Variants in CCDC60 observed in about 807,000 individuals in gnomAD.
The protein encoded by CCDC60 is coiled-coil domain-containing protein 60.
In CCDC60, 54 loss-of-function variants were observed where a neutral mutation model predicts 63.5. The ratio of observed to expected loss-of-function variants is 0.85; its 90% CI spans 0.68 to 1.07. The LOEUF (loss-of-function observed/expected upper bound fraction) is 1.07, where lower values mean the gene tolerates loss of function less well. CCDC60 is among the 50% of genes least tolerant of loss of function. The pLI, the probability that CCDC60 is intolerant of heterozygous loss-of-function variation, is 0.00. For synonymous variants in CCDC60, 206 were observed against 238.8 expected, an observed-to-expected ratio of 0.86 and a Z score of 1.27; for missense variants, 651 against 684.3, an observed-to-expected ratio of 0.95 and a Z score of 0.54.
rs1159348166 is a variant in CCDC60, at chr12:119,479,040, G to GA, written c.342-54_342-53insA. ...ATAGACCGTGGCAAGAGAAGAAGGT[G>GA]TTCAAAGCTACTGCTCATTGTTCAC... On this transcript the variant is annotated intron_variant, in intron 3 of 13. Transcript: ENST00000327554. The GA allele has an allele frequency of 3.9e-6, 5 of 1,270,352 alleles. No individual in the cohort carries two copies. The East Asian group carries it at 1.2e-4, about 29-fold the overall frequency. 78.7% of individuals were successfully genotyped at this position (1,270,352 alleles called of 1,614,324 possible).
intron 2 of CCDC60, chr12:119,433,441 A>G (rs572069567): frequency 2.8e-6 from 2 of 702,268 alleles, no homozygotes; most frequent in African/African-American, 3.5e-5. Flanking sequence ...CAGAGAAGCC[A>G]CAAGCAAGCA....
Position 119,527,666 on chromosome 12 carries a change from C to CTTTTTTTTTTT in CCDC60, c.1230-934_1230-924dup, listed in dbSNP as rs869099213. Among the ~76,000 whole-genome samples, 193 of 84,978 alleles carry CTTTTTTTTTTT rather than the reference C, an allele frequency of 2.3e-3. 2 individuals are homozygous for CTTTTTTTTTTT. Among genetic ancestry groups the CTTTTTTTTTTT allele is most frequent in the African/African-American group, 3.4e-3 (68 of 20,236 alleles). 55.7% of individuals were successfully genotyped at this position (84,978 alleles called of 152,430 possible). A position where few individuals can be genotyped will look rare whatever the true frequency, so the allele number is the denominator to read the frequency against. ...TTGTTTTTTCTTTCTTTCTTTCTTT[C>CTTTTTTTTTTT]TTTTTTTTTTTTTTTTTTTTTTTTT... is the stretch of plus-strand genomic sequence containing the variant. On this transcript the variant is annotated intron_variant, in intron 11 of 13. Coordinates refer to ENST00000327554, the MANE Select transcript of CCDC60 (RefSeq NM_178499.5).
intron 1 of CCDC60, among the ~76,000 whole-genome samples, chr12:119,377,739 C>G (rs1185063560): frequency 6.6e-6 from 1 of 152,124 alleles, no homozygotes; most frequent in African/African-American, 2.4e-5. Flanking sequence ...CATTTTACCT[C>G]TACACATTTT....
chr12:119,502,825 C>T (rs1189086500), intron 6 of CCDC60, among the ~76,000 whole-genome samples: 1 of 152,190 alleles, frequency 6.6e-6, no homozygotes, highest in Non-Finnish European at 1.5e-5. Context: ...CCAGTGCTCA[C>T]TGCAAGATTC....
chr12:119,463,064 T>C (rs988487892), intron 2 of CCDC60, among the ~76,000 whole-genome samples: 2 of 152,154 alleles, frequency 1.3e-5, no homozygotes, highest in Non-Finnish European at 2.9e-5. Context: ...CCTCAAGTGA[T>C]CCACCCGCCT....
At chr12:119,335,312 T>A in intron 1 of CCDC60, 46 bp downstream of exon 1, 1 of 1,420,602 alleles carries the variant, frequency 7.0e-7, no homozygotes, top group Non-Finnish European at 9.7e-7. Flanking sequence ...CGAGAACAAG[T>A]GAAATAGGAA....
At chr12:119,489,552 C>G (rs1048466931) in intron 5 of CCDC60, among the ~76,000 whole-genome samples, 2 of 152,268 alleles carry the variant, frequency 1.3e-5, no homozygotes, top group South Asian at 4.1e-4. Flanking sequence ...GTTGCAGGAA[C>G]AGCATTGTAC....
At chr12:119,433,374 G>A (rs918021623) in intron 2 of CCDC60, 87 of 701,394 alleles carry the variant, frequency 1.2e-4, no homozygotes, top group Non-Finnish European at 2.0e-4. Context: ...CGTTCTGCTC[G>A]GACACCCTTA....
intron 4 of CCDC60, among the ~76,000 whole-genome samples, chr12:119,481,758 AC>A (rs1273531284): frequency 6.6e-6 from 1 of 151,290 alleles, no homozygotes; most frequent in Non-Finnish European, 1.5e-5. Context: ...CCTCCTTCCC[AC>A]CCCTTTCCCT....
chr12:119,540,766 C>A lies in CCDC60; in HGVS notation c.*51C>A. On this transcript the variant is annotated 3_prime_UTR_variant, in exon 14 of 14. Transcript: ENST00000327554. ...TCAGTGGAGGAGTGTTTGCCTATAT[C>A]ATGTTCCTGTATCCTGCCTGTGTTC... The A allele has an allele frequency of 7.8e-7, 1 of 1,290,190 alleles. No homozygotes were observed. The highest frequency in any genetic ancestry group is 1.1e-6 in the Non-Finnish European group (1 of 892,666). The allele number at this position is 1,290,190 out of a possible 1,614,324, so 79.9% of individuals were successfully genotyped here. A position where few individuals can be genotyped will look rare whatever the true frequency, so the allele number is the denominator to read the frequency against.
chr12:119,505,230 G>C lies in CCDC60; in HGVS notation c.810G>C (p.Gln270His). The stretch of plus-strand genomic sequence containing the variant: ...ATGAGCCCCCAAGTGTGAACACCCA[G>C]GTGACCAGCAGCAAGGACATTGAGG... The part of the protein sequence containing the change: ...GSDEPPSVNT[Q>H]VTSSKDIEDN... Residue 270 changes from glutamine to histidine, a missense_variant, in exon 7 of 14, where the codon CAG (glutamine) becomes CAC (histidine). Coordinates refer to ENST00000327554, the MANE Select transcript of CCDC60 (RefSeq NM_178499.5). 3 of 1,613,886 alleles carry C rather than the reference G, an allele frequency of 1.9e-6. No homozygotes were observed. Among genetic ancestry groups the C allele is most frequent in the Non-Finnish European group, 2.5e-6 (3 of 1,180,034 alleles).
intron 1 of CCDC60, among the ~76,000 whole-genome samples, chr12:119,396,218 G>A (rs966486094): frequency 3.3e-5 from 5 of 152,128 alleles, no homozygotes; most frequent in East Asian, 1.9e-4. Flanking sequence ...GACTACAAGC[G>A]TGAGCCACCA....
At chr12:119,437,384 G>C (rs1029527377) in intron 2 of CCDC60, among the ~76,000 whole-genome samples, 3 of 152,152 alleles carry the variant, frequency 2.0e-5, no homozygotes, top group African/African-American at 7.2e-5. Flanking sequence ...AACCTTCTCA[G>C]CCTAGCATTC....
At chr12:119,441,849 A>G (rs1448319847) in intron 2 of CCDC60, among the ~76,000 whole-genome samples, 8 of 152,144 alleles carry the variant, frequency 5.3e-5, no homozygotes, top group Non-Finnish European at 4.4e-5. Context: ...GCTGCTATGA[A>G]CACTCTTATA....
intron 2 of CCDC60, among the ~76,000 whole-genome samples, chr12:119,450,867 AAAGAG>A (rs1162381522): frequency 3.4e-5 from 3 of 88,796 alleles, no homozygotes; most frequent in African/African-American, 1.6e-4. Context: ...AAAAAAAAAA[AAAGAG>A]AGAGAGAGAG....
chr12:119,461,524 A>C (rs1294124980), intron 2 of CCDC60, among the ~76,000 whole-genome samples: 1 of 152,260 alleles, frequency 6.6e-6, no homozygotes, highest in East Asian at 1.9e-4. Flanking sequence ...GCATCCTCTC[A>C]TCAGCTCACA....
chr12:119,468,882 T>C (rs540254405), intron 2 of CCDC60, among the ~76,000 whole-genome samples: 8 of 152,020 alleles, frequency 5.3e-5, no homozygotes, highest in African/African-American at 1.9e-4. Flanking sequence ...GAGACCAGCT[T>C]GGGCAACACA....
chr12:119,501,430 C>T (rs935049796), intron 6 of CCDC60, among the ~76,000 whole-genome samples: 2 of 152,196 alleles, frequency 1.3e-5, no homozygotes, highest in African/African-American at 2.4e-5. Context: ...CAGCTGGGTA[C>T]TGGCAGAGCC....
At chr12:119,521,582 G>A (rs1429704055) in intron 9 of CCDC60, among the ~76,000 whole-genome samples, 1 of 152,166 alleles carries the variant, frequency 6.6e-6, no homozygotes, top group Non-Finnish European at 1.5e-5. Context: ...CCTGCGGCAG[G>A]AGGAAGCTTA....
Sources: allele counts gnomAD v4.1 joint callset (sites outside exome capture counted in the v4.1 genomes callset), GRCh38; gene constraint gnomAD v4.1.1; transcripts MANE v1.5; gene names NCBI Gene and HGNC (gene_info 2026-07-23, HGNC 2026-07-21).